The following DPP10 variants were observed in gnomAD, a reference collection of about 807,000 sequenced individuals.
The protein encoded by DPP10 is inactive dipeptidyl peptidase 10.
Under a neutral mutation model 120.9 loss-of-function variants are expected in DPP10, and 33 were observed. The ratio of observed to expected loss-of-function variants is 0.27; its 90% CI spans 0.21 to 0.37. The LOEUF (loss-of-function observed/expected upper bound fraction) is 0.37. DPP10 is among the 10% of genes least tolerant of loss of function. The pLI, the probability that DPP10 is intolerant of heterozygous loss-of-function variation, is 1.00. For synonymous variants in DPP10, 337 were observed against 326.1 expected, an observed-to-expected ratio of 1.03 and a Z score of -0.36; for missense variants, 816 against 942.8, an observed-to-expected ratio of 0.87 and a Z score of 1.76.
intron 1 of DPP10, among the ~76,000 whole-genome samples, chr2:114,769,743 C>T (rs951707709): frequency 6.6e-6 from 1 of 152,104 alleles, no homozygotes; most frequent in Non-Finnish European, 1.5e-5. Context: ...CAAGTGTATA[C>T]ATATACGTCC....
chr2:115,165,076 C>G (rs1319661825), intron 1 of DPP10, among the ~76,000 whole-genome samples: 2 of 152,228 alleles, frequency 1.3e-5, no homozygotes, highest in Non-Finnish European at 2.9e-5. Flanking sequence ...ATCAATATCT[C>G]AATTAACATT....
intron 1 of DPP10, among the ~76,000 whole-genome samples, chr2:114,794,045 G>A (rs943618156): frequency 5.3e-5 from 8 of 152,082 alleles, no homozygotes; most frequent in Non-Finnish European, 1.2e-4. Flanking sequence ...TGAAACTATT[G>A]CTGCATTTCT....
At chr2:115,186,888 G>A (rs2054478537) in intron 1 of DPP10, among the ~76,000 whole-genome samples, 1 of 151,998 alleles carries the variant, frequency 6.6e-6, no homozygotes. Context: ...ACACAGAAAG[G>A]ACTTAGAATA....
intron 1 of DPP10, among the ~76,000 whole-genome samples, chr2:115,202,530 C>T (rs965696079): frequency 8.5e-5 from 13 of 152,216 alleles, no homozygotes; most frequent in African/African-American, 1.2e-4. Context: ...CTCTACTTTT[C>T]GAGGAAAGTC....
intron 2 of DPP10, among the ~76,000 whole-genome samples, chr2:115,316,788 T>C (rs2061815455): frequency 6.6e-6 from 1 of 152,114 alleles, no homozygotes; most frequent in African/African-American, 2.4e-5. Flanking sequence ...GATAGTCTGG[T>C]CTCTGAGAAG....
At chr2:115,611,750 C>G (rs756204147) in intron 5 of DPP10, among the ~76,000 whole-genome samples, 6 of 152,026 alleles carry the variant, frequency 3.9e-5, no homozygotes, top group Non-Finnish European at 8.8e-5. Flanking sequence ...GAGTCAGAAG[C>G]TCTGTGTTAG....
intron 7 of DPP10, among the ~76,000 whole-genome samples, chr2:115,708,398 T>C (rs903877469): frequency 6.6e-6 from 1 of 152,018 alleles, no homozygotes; most frequent in African/African-American, 2.4e-5. Flanking sequence ...TATTTGTTTC[T>C]GATGTGCTCT....
At chr2:115,261,252 A>G (rs2059239202) in intron 1 of DPP10, among the ~76,000 whole-genome samples, 1 of 152,200 alleles carries the variant, frequency 6.6e-6, no homozygotes, top group African/African-American at 2.4e-5. Context: ...TGAAAGTGGT[A>G]GATTTCTTTT....
chr2:115,682,706 G>T (rs1391293965), intron 5 of DPP10, among the ~76,000 whole-genome samples: 1 of 151,710 alleles, frequency 6.6e-6, no homozygotes, highest in African/African-American at 2.4e-5. Flanking sequence ...TGTTGTCCAG[G>T]TGATTTTTGG....
chr2:114,947,253 T>TA (rs1441183408), intron 1 of DPP10, among the ~76,000 whole-genome samples: 2 of 152,106 alleles, frequency 1.3e-5, no homozygotes, highest in Non-Finnish European at 2.9e-5. Context: ...ATGTTAGCTT[T>TA]ATTTATCAAA....
chr2:115,623,391 T>C (rs1001969130), intron 5 of DPP10, among the ~76,000 whole-genome samples: 2 of 152,238 alleles, frequency 1.3e-5, no homozygotes, highest in Admixed American at 6.5e-5. Flanking sequence ...TTGGAGGGAA[T>C]GATTGAAATG....
At chr2:114,497,153 A>C (rs961930370) in intron 1 of DPP10, among the ~76,000 whole-genome samples, 2 of 143,346 alleles carry the variant, frequency 1.4e-5, no homozygotes, top group Non-Finnish European at 3.0e-5. Context: ...ACGTGTATAC[A>C]TGTAGGTGTA....
chr2:114,747,321 TTA>T (rs1450740174), intron 1 of DPP10, among the ~76,000 whole-genome samples: 1 of 152,224 alleles, frequency 6.6e-6, no homozygotes, highest in Non-Finnish European at 1.5e-5. Context: ...TATCAGTCTT[TTA>T]TCCTTTGTAA....
At chr2:114,822,705 C>G (rs1474986093) in intron 1 of DPP10, among the ~76,000 whole-genome samples, 1 of 152,052 alleles carries the variant, frequency 6.6e-6, no homozygotes, top group East Asian at 1.9e-4. Context: ...TGCTCTGCTT[C>G]CTCTTGAATA....
At chr2:115,162,279 G>C (rs1300302465) in intron 1 of DPP10, 8 of 1,541,890 alleles carry the variant, frequency 5.2e-6, no homozygotes, top group Non-Finnish European at 7.0e-6. Flanking sequence ...AGAGGTAAAG[G>C]CTGAAGGTGC....
chr2:115,286,252 TG>T (rs1223205658), intron 1 of DPP10, among the ~76,000 whole-genome samples: 1 of 151,396 alleles, frequency 6.6e-6, no homozygotes, highest in African/African-American at 2.4e-5. Context: ...ATGCAGTTTT[TG>T]TGCTAATATT....
In DPP10 at chr2:114,644,275, A is replaced by T. The variant is rs1392108454; in HGVS notation, c.60+201437A>T. ...ATATTTTATTTCTACTACATCAGAC[A>T]CAGATTCTTTTTGCCCAACATACAT... On this transcript the variant is annotated intron_variant, in intron 1 of 25. Transcript: ENST00000410059. Among the ~76,000 whole-genome samples the T allele has an allele frequency of 4.6e-5, 7 of 151,274 alleles. 1 individual carries two copies. In the South Asian group the frequency reaches 1.0e-3, roughly 22 times the overall value.
chr2:114,736,477 A>G (rs926871751), intron 1 of DPP10, among the ~76,000 whole-genome samples: 50 of 152,342 alleles, frequency 3.3e-4, no homozygotes, highest in African/African-American at 1.1e-3. Context: ...TCAAGTAAAC[A>G]TATTTTAATG....
intron 4 of DPP10, among the ~76,000 whole-genome samples, chr2:115,503,625 G>T (rs910979132): frequency 2.0e-5 from 3 of 152,060 alleles, no homozygotes; most frequent in Non-Finnish European, 4.4e-5. Context: ...TGTAAGATTT[G>T]GTCTACTCAG....
Sources: gnomAD v4.1 joint callset for allele counts (sites outside exome capture counted in the v4.1 genomes callset) on GRCh38, gnomAD v4.1.1 for gene constraint, MANE v1.5 for transcripts, NCBI Gene and HGNC (gene_info 2026-07-23, HGNC 2026-07-21) for gene names.